The following USP16 variants were observed in gnomAD, a reference collection of about 807,000 sequenced individuals.
The protein encoded by USP16 is ubiquitin carboxyl-terminal hydrolase 16.
In USP16, 77 loss-of-function variants were observed where a neutral mutation model predicts 95.9. That is an observed-to-expected ratio of 0.80 (90% CI 0.67 to 0.97). USP16 has a LOEUF of 0.97. Ranked by LOEUF, USP16 falls within the 50% of genes least tolerant of loss-of-function variation. The probability of loss-of-function intolerance (pLI) is 0.00; values close to 1 mark genes in which losing one functional copy is unlikely to be tolerated. For missense variants in USP16, 943 were observed against 959.9 expected (o/e 0.98, Z 0.23); for synonymous variants, 303 against 318.2 (o/e 0.95, Z 0.51).
Position 29,039,575 on chromosome 21 carries a change from A to G in USP16, c.951+7A>G, listed in dbSNP as rs775301329. 5 of 1,610,990 alleles carry G rather than the reference A, an allele frequency of 3.1e-6. No individual in the cohort carries two copies. In the African/African-American group the frequency reaches 4.0e-5, roughly 13 times the overall value. ...GAGAGCAGAAGAACACCAAGTTAGC[A>G]TGTTATGACCATTGTATTTTATGAT... On this transcript the variant is annotated splice_region_variant and intron_variant, in intron 9 of 17. Coordinates refer to ENST00000399976, the MANE Select transcript of USP16 (RefSeq NM_006447.3).
In USP16 at chr21:29,038,323, C is replaced by T; in HGVS notation, c.637-12C>T. 6 of 1,559,902 alleles carry T rather than the reference C, an allele frequency of 3.8e-6. No homozygotes were observed. The highest frequency in any genetic ancestry group is 2.3e-5 in the South Asian group (2 of 85,784). ...AATAATTTTTCTCTTTTTTTTTCAC[C>T]CTACATTCTAGAACTTGTCACAAAC... is the stretch of plus-strand genomic sequence containing the variant. On this transcript the variant is annotated splice_polypyrimidine_tract_variant and intron_variant, in intron 6 of 17. Transcript: ENST00000399976.
chr21:29,034,967 G>C (rs912297934), intron 4 of USP16, 27 bp downstream of exon 4: 2 of 1,579,180 alleles, frequency 1.3e-6, no homozygotes, highest in African/African-American at 1.4e-5. Flanking sequence ...CTGCCTCTTG[G>C]GTGGAAATTA....
chr21:29,054,202 C>T lies in USP16; in HGVS notation c.*15C>T, dbSNP rs2085461083. 1 of 1,604,002 alleles carries T rather than the reference C, an allele frequency of 6.2e-7. No homozygotes were observed. Among genetic ancestry groups the T allele is most frequent in the African/African-American group, 1.3e-5 (1 of 74,706 alleles). On this transcript the variant is annotated 3_prime_UTR_variant, in exon 18 of 18. Coordinates refer to ENST00000399976, the MANE Select transcript of USP16 (RefSeq NM_006447.3). ...GAATACTGTAATAATATCAAAAGCACTTTTTCTGGAAACACATTTATGGCT... is the reference window on the plus strand; with the variant it reads ...GAATACTGTAATAATATCAAAAGCATTTTTTCTGGAAACACATTTATGGCT...
intron 13 of USP16, among the ~76,000 whole-genome samples, chr21:29,044,027 G>A (rs1173877084): frequency 6.6e-6 from 1 of 151,846 alleles, no homozygotes; most frequent in African/African-American, 2.4e-5. Flanking sequence ...CCATCTCCTA[G>A]GTTCAAGCAA....
chr21:29,040,745 C>A, intron 10 of USP16, 58 bp downstream of exon 10: 1 of 881,490 alleles, frequency 1.1e-6, no homozygotes, highest in Non-Finnish European at 1.7e-6. Flanking sequence ...TACCTTAGGA[C>A]AAGATTGCTG....
chr21:29,044,428 T>C (rs2085291801), intron 13 of USP16, among the ~76,000 whole-genome samples: 1 of 150,158 alleles, frequency 6.7e-6, no homozygotes, highest in Non-Finnish European at 1.5e-5. Flanking sequence ...TCCATTTTAG[T>C]ATATAAAACT....
rs139315892 is a variant in USP16, at chr21:29,036,122, A to G, written c.345-149A>G. 1,828 of 618,552 alleles carry G rather than the reference A, an allele frequency of 3.0e-3. 24 individuals are homozygous for G. The African/African-American group carries it at 0.03, about 10-fold the overall frequency. 38.3% of individuals were successfully genotyped at this position (618,552 alleles called of 1,614,324 possible). On this transcript the variant is annotated intron_variant, in intron 4 of 17. Transcript: ENST00000399976. ...ATAATAAACCAGAGTTAATATGCATAGTCTTCTTCAGGAAAACAGAATTTT... is the reference window on the plus strand; with the variant it reads ...ATAATAAACCAGAGTTAATATGCATGGTCTTCTTCAGGAAAACAGAATTTT...
intron 16 of USP16, 63 bp downstream of exon 16, chr21:29,050,241 T>C: frequency 7.0e-7 from 1 of 1,438,338 alleles, no homozygotes; most frequent in Non-Finnish European, 9.7e-7. Context: ...TACCTAATGC[T>C]CCAGTAGCAA....
At chr21:29,026,681 C>T (rs1352091373) in intron 1 of USP16, 1 of 151,336 alleles carries the variant, frequency 6.6e-6, no homozygotes, top group African/African-American at 2.4e-5. Flanking sequence ...CGCACCCAGA[C>T]AACATCTGCC....
chr21:29,034,208 CTG>C (rs2085118794), intron 3 of USP16, among the ~76,000 whole-genome samples: 1 of 151,716 alleles, frequency 6.6e-6, no homozygotes, highest in African/African-American at 2.4e-5. Flanking sequence ...GTTTAGGAGA[CTG>C]TTAAGGAATC....
chr21:29,030,428 T>C (rs2085060620), intron 2 of USP16, among the ~76,000 whole-genome samples, 167 bp from the exon 3 acceptor site: 1 of 152,226 alleles, frequency 6.6e-6, no homozygotes, highest in African/African-American at 2.4e-5. Context: ...TTCTCACATA[T>C]TTATCTCATA....
At chr21:29,037,824 C>T (rs140788639) in intron 6 of USP16, among the ~76,000 whole-genome samples, 57 of 152,210 alleles carry the variant, frequency 3.7e-4, no homozygotes, top group African/African-American at 1.3e-3. Flanking sequence ...GGGCTTAAGC[C>T]GTCCACCCCC....
At chr21:29,050,376 G>A (rs1247380134) in intron 16 of USP16, among the ~76,000 whole-genome samples, 198 bp downstream of exon 16, 1 of 152,112 alleles carries the variant, frequency 6.6e-6, no homozygotes, top group African/African-American at 2.4e-5. Context: ...TCAACGTTTG[G>A]AATCCCCTTT....
rs1400349246 is a variant in USP16, at chr21:29,053,850, G to A, written c.2242G>A (p.Val748Ile). Residue 748 changes from valine to isoleucine, a missense_variant, in exon 17 of 18, where the codon GTT becomes ATT. Val to Ile is a conservative substitution (Grantham distance 29). Coordinates refer to ENST00000399976, the MANE Select transcript of USP16 (RefSeq NM_006447.3). ...GGTACTCTATTCCTTATATGGAGTT[G>A]TTGAACACAGTGGTACTATGAGGTC... ...TRVLYSLYGV[V>I]EHSGTMRSGH... is the part of the protein sequence containing the mutation. 6.2e-7 allele frequency: 1 copy of A among 1,614,136 alleles called. No individual in the cohort carries two copies. The highest frequency in any genetic ancestry group is 8.5e-7 in the Non-Finnish European group (1 of 1,180,014).
intron 7 of USP16, 114 bp from the exon 8 acceptor site, chr21:29,038,912 A>G: frequency 9.1e-7 from 1 of 1,103,172 alleles, no homozygotes; most frequent in African/African-American, 1.6e-5. Context: ...TTAAACTTTT[A>G]AATGGGGCAG....
intron 13 of USP16, among the ~76,000 whole-genome samples, chr21:29,045,470 T>TA (rs1246981910): frequency 5.9e-5 from 9 of 152,356 alleles, no homozygotes; most frequent in African/African-American, 2.2e-4. Context: ...GCTTCTTTGC[T>TA]AACTTCAGGC....
chr21:29,043,333 A>G (rs1343516639), intron 12 of USP16, 90 bp from the exon 13 acceptor site: 8 of 958,690 alleles, frequency 8.3e-6, no homozygotes, highest in East Asian at 3.2e-5. Flanking sequence ...ACATAATAGA[A>G]GTAGAAAAAT....
chr21:29,027,990 T>G lies in USP16; in HGVS notation c.61+16T>G, dbSNP rs181750901. The G allele has an allele frequency of 9.6e-6, 15 of 1,570,572 alleles. No individual in the cohort carries two copies. The East Asian group carries it at 3.4e-4, about 35-fold the overall frequency. ...GAAACTTTAGGTATATTTCATTGAT[T>G]GAATCTTTAATGTTTATATCTCTAA... On this transcript the variant is annotated intron_variant, in intron 2 of 17. Transcript: ENST00000399976.
At chr21:29,043,657 T>G in intron 13 of USP16, 58 bp downstream of exon 13, 1 of 1,409,756 alleles carries the variant, frequency 7.1e-7, no homozygotes, top group Non-Finnish European at 9.3e-7. Context: ...GCTATTGAGT[T>G]TGTAGTCTGA....
Sources: allele counts gnomAD v4.1 joint callset (sites outside exome capture counted in the v4.1 genomes callset), GRCh38; gene constraint gnomAD v4.1.1; transcripts MANE v1.5; gene names NCBI Gene and HGNC (gene_info 2026-07-23, HGNC 2026-07-21).